The following NTSR2 variants were observed in gnomAD, a reference collection of about 807,000 sequenced individuals.
NTSR2 encodes the protein neurotensin receptor type 2.
Under a neutral mutation model 24.1 loss-of-function variants are expected in NTSR2, and 22 were observed. The observed-to-expected ratio is 0.91, with a 90% CI of 0.65 to 1.30. NTSR2 has a LOEUF of 1.30. Among genes scored for constraint, NTSR2 ranks in the 50% most tolerant of loss-of-function variants. The pLI is 0.00. For missense variants in NTSR2, 570 were observed against 570.4 expected, an observed-to-expected ratio of 1.00 and a Z score of 0.01; for synonymous variants, 291 against 267.0, an observed-to-expected ratio of 1.09 and a Z score of -0.88.
chr2:11,658,308 A>G lies in NTSR2; in HGVS notation c.*171T>C. On this transcript the variant is annotated 3_prime_UTR_variant, in exon 4 of 4. Transcript: ENST00000306928. ...TACACAGACGAGGGAGCCTGAGGCT[A>G]GGAGGGGTCACGTGGCTTCCCTGCG... 1.3e-6 allele frequency: 1 copy of G among 770,274 alleles called. No homozygotes were observed. Among genetic ancestry groups the G allele is most frequent in the Non-Finnish European group, 2.0e-6 (1 of 487,968 alleles). 47.7% of individuals were successfully genotyped at this position (770,274 alleles called of 1,614,324 possible).
At position 11,659,384 on chromosome 2, in the gene NTSR2, C is replaced by T. The variant is rs559149575; in HGVS notation, c.989+659G>A. 1.5e-3 allele frequency among the ~76,000 whole-genome samples: 234 copies of T among 152,324 alleles called. 1 individual carries two copies. In the Middle Eastern group the frequency reaches 0.027, roughly 18 times the overall value. ...AGAGCCGAAGTTCCGTCTGAGGAGCCGCACTCCTTGCTGCAGGTTCTCTGC... is the reference window on the plus strand; with the variant it reads ...AGAGCCGAAGTTCCGTCTGAGGAGCTGCACTCCTTGCTGCAGGTTCTCTGC... On this transcript the variant is annotated intron_variant, in intron 3 of 3. Transcript: ENST00000306928.
chr2:11,666,479 T>C (rs1572268579), intron 1 of NTSR2, among the ~76,000 whole-genome samples: 1 of 152,056 alleles, frequency 6.6e-6, no homozygotes, highest in Non-Finnish European at 1.5e-5. Context: ...GACGGGTGGA[T>C]CACGAGGTCA....
chr2:11,663,080 A>G (rs951986284), intron 1 of NTSR2, among the ~76,000 whole-genome samples: 12 of 152,234 alleles, frequency 7.9e-5, no homozygotes, highest in African/African-American at 2.9e-4. Flanking sequence ...TCCATCTTAG[A>G]ATTTTATACC....
chr2:11,661,832 G>A (rs985643993), intron 2 of NTSR2, 135 bp downstream of exon 2: 5 of 743,976 alleles, frequency 6.7e-6, no homozygotes, highest in Non-Finnish European at 8.5e-6. Context: ...TGGTTATACA[G>A]TTCCCCTGGG....
chr2:11,668,208 T>C (rs1374891834), intron 1 of NTSR2, among the ~76,000 whole-genome samples: 1 of 152,188 alleles, frequency 6.6e-6, no homozygotes, highest in Admixed American at 6.5e-5. Context: ...TGGTCATGAA[T>C]GAAAAGCAGG....
chr2:11,662,005 C>G lies in NTSR2; in HGVS notation c.860G>C (p.Arg287Pro). 1 of 1,611,032 alleles carries G rather than the reference C, an allele frequency of 6.2e-7. No homozygotes were observed. Among genetic ancestry groups the G allele is most frequent in the East Asian group, 2.2e-5 (1 of 44,730 alleles). Residue 287 changes from arginine to proline, a missense_variant, in exon 2 of 4, where the codon CGC becomes CCC. Arg to Pro is a moderately radical substitution (Grantham distance 103). Transcript: ENST00000306928. ...GCTGCGCTGGAGGCTGCGGATCCGG[C>G]GCACGTCTTTATGTCTCACCAGGCT... The part of the protein sequence containing the change: ...QVSLVRHKDV[R>P]RIRSLQRSVQ...
chr2:11,669,460 G>GGGGGGGGGGGGGGGCGGCCCCCCCCCCC, intron 1 of NTSR2, 46 bp downstream of exon 1: 1 of 254,726 alleles, frequency 3.9e-6, no homozygotes, highest in Non-Finnish European at 6.9e-6. Flanking sequence ...TCCCAGCACC[G>GGGGGGGGGGGGGGGCGGCCCCCCCCCCC]CCCCCCCACC....
Position 11,669,662 on chromosome 2 carries a change from C to A in NTSR2, c.468G>T (p.Val156=). The A allele has an allele frequency of 6.5e-7, 1 of 1,546,088 alleles. No individual in the cohort carries two copies. ...LLTPRRTRWL[V]ALSWAASLGL... ...CGAGCGAGGCGGCCCACGAGAGCGC[C>A]ACCAGCCACCGGGTCCGGCGTGGCG... Residue 156 remains valine, a synonymous_variant, in exon 1 of 4, where the codon GTG becomes GTT. Coordinates refer to ENST00000306928, the MANE Select transcript of NTSR2 (RefSeq NM_012344.4).
intron 1 of NTSR2, among the ~76,000 whole-genome samples, chr2:11,669,084 C>T (rs1338254668): frequency 6.6e-6 from 1 of 152,064 alleles, no homozygotes; most frequent in Non-Finnish European, 1.5e-5. Flanking sequence ...GAAGAGAGGC[C>T]GGGAGTGCCT....
At chr2:11,661,570 T>C (rs1661072006) in intron 2 of NTSR2, among the ~76,000 whole-genome samples, 1 of 152,016 alleles carries the variant, frequency 6.6e-6, no homozygotes, top group Non-Finnish European at 1.5e-5. Flanking sequence ...AACAGATCAG[T>C]GTTGTAGGAG....
intron 1 of NTSR2, 46 bp downstream of exon 1, chr2:11,669,460 G>GGGGGGGGGGGGGGCCCCCCCCCCC: frequency 6.7e-5 from 17 of 254,710 alleles, no homozygotes; most frequent in East Asian, 1.1e-4. Context: ...TCCCAGCACC[G>GGGGGGGGGGGGGGCCCCCCCCCCC]CCCCCCCACC....
At chr2:11,658,999 C>T (rs1156892758) in intron 3 of NTSR2, among the ~76,000 whole-genome samples, 2 of 152,158 alleles carry the variant, frequency 1.3e-5, no homozygotes, top group African/African-American at 4.8e-5. Flanking sequence ...ACTACAGGCA[C>T]ACACCACCAT....
At chr2:11,669,459 C>CGGGGGGGGGGGGGGGGGGGGGGG in intron 1 of NTSR2, 47 bp downstream of exon 1, 34 of 337,890 alleles carry the variant, frequency 1.0e-4, no homozygotes, top group East Asian at 1.7e-4. Context: ...CTCCCAGCAC[C>CGGGGGGGGGGGGGGGGGGGGGGG]GCCCCCCCAC....
At position 11,670,063 on chromosome 2, in the gene NTSR2, G is replaced by T; in HGVS notation, c.67C>A (p.Leu23Met). The T allele has an allele frequency of 6.8e-7, 1 of 1,471,406 alleles. No homozygotes were observed. The highest frequency in any genetic ancestry group is 8.9e-7 in the Non-Finnish European group (1 of 1,118,314). The allele number at this position is 1,471,406 out of a possible 1,614,324, so 91.1% of individuals were successfully genotyped here. The change falls in exon 1 of 4, where the codon CTG (leucine) becomes ATG (methionine). Residue 23 changes from leucine (L) to methionine (M), a missense_variant. Leu to Met is a conservative substitution (Grantham distance 15). Transcript: ENST00000306928. The part of the protein sequence containing the change: ...SNPGLSLDAR[L>M]GVDTRLWAKV... The stretch of plus-strand genomic sequence containing the variant: ...GCCCAGAGGCGAGTGTCCACGCCCA[G>T]CCGGGCGTCCAGGCTCAGCCCCGGG...
At chr2:11,659,341 G>A (rs1282835418) in intron 3 of NTSR2, among the ~76,000 whole-genome samples, 1 of 152,234 alleles carries the variant, frequency 6.6e-6, no homozygotes, top group Non-Finnish European at 1.5e-5. Flanking sequence ...CGTGTGGTCA[G>A]GAGATGTGGC....
At chr2:11,666,091 A>C (rs1661193125) in intron 1 of NTSR2, 1 of 152,298 alleles carries the variant, frequency 6.6e-6, no homozygotes, top group African/African-American at 2.4e-5. Flanking sequence ...TGGCAAAAGG[A>C]GGATGATACC....
intron 1 of NTSR2, 47 bp downstream of exon 1, chr2:11,669,459 C>CGGGGCGGGGGGG: frequency 5.6e-5 from 19 of 337,876 alleles, no homozygotes; most frequent in East Asian, 1.7e-4. Flanking sequence ...CTCCCAGCAC[C>CGGGGCGGGGGGG]GCCCCCCCAC....
At chr2:11,664,291 A>G (rs559177061) in intron 1 of NTSR2, among the ~76,000 whole-genome samples, 2 of 152,026 alleles carry the variant, frequency 1.3e-5, no homozygotes, top group East Asian at 3.9e-4. Context: ...TAATTTTTGT[A>G]TTTTGTGTAG....
chr2:11,668,458 A>C (rs1349546732), intron 1 of NTSR2, among the ~76,000 whole-genome samples: 2 of 152,094 alleles, frequency 1.3e-5, no homozygotes, highest in Non-Finnish European at 2.9e-5. Context: ...CGCTTAGGAG[A>C]CTGCTTAGGA....
Sources: allele counts gnomAD v4.1 joint callset (sites outside exome capture counted in the v4.1 genomes callset), GRCh38; gene constraint gnomAD v4.1.1; transcripts MANE v1.5; gene names NCBI Gene and HGNC (gene_info 2026-07-23, HGNC 2026-07-21).